The following AGBL4 variants were observed in gnomAD, a reference collection of about 807,000 sequenced individuals.
AGBL4 encodes the protein AGBL carboxypeptidase 4.
AGBL4 carries 58 observed loss-of-function variants against 66.4 expected under a neutral mutation model. The ratio of observed to expected loss-of-function variants is 0.87; its 90% CI spans 0.71 to 1.09. The LOEUF is 1.09. Ranked by LOEUF, AGBL4 falls within the 50% of genes least tolerant of loss-of-function variation. The pLI, the probability that AGBL4 is intolerant of heterozygous loss-of-function variation, is 0.00. For missense variants in AGBL4, 579 were observed against 631.0 expected (o/e 0.92, Z 0.88); for synonymous variants, 234 against 222.9 (o/e 1.05, Z -0.44).
rs886696766 is a variant in AGBL4 at position 50,014,536 on chromosome 1, CTTTTTTTTTT to C, written c.34+9217_34+9226del. Among the ~76,000 whole-genome samples, 516 of 109,018 alleles carry C rather than the reference CTTTTTTTTTT, an allele frequency of 4.7e-3. 4 individuals are homozygous for C. The highest frequency in any genetic ancestry group is 0.017 in the African/African-American group (497 of 28,886). 71.5% of individuals were successfully genotyped at this position (109,018 alleles called of 152,430 possible). A position where few individuals can be genotyped will look rare whatever the true frequency, so the allele number is the denominator to read the frequency against. ...CTCATAACTAATGAACAGAGGATTT[CTTTTTTTTTT>C]TTTTTTTTTTTTGGAGAGAGTCTTG... On this transcript the variant is annotated intron_variant, in intron 1 of 13. Coordinates refer to ENST00000371839, the MANE Select transcript of AGBL4 (RefSeq NM_032785.4).
intron 3 of AGBL4, among the ~76,000 whole-genome samples, chr1:49,521,809 G>T (rs1332357974): frequency 1.3e-5 from 2 of 151,908 alleles, no homozygotes; most frequent in Admixed American, 6.6e-5. Context: ...TTTACAAGTG[G>T]GACCTAATTA....
chr1:49,661,348 T>C (rs1262053176), intron 3 of AGBL4, among the ~76,000 whole-genome samples: 1 of 152,114 alleles, frequency 6.6e-6, no homozygotes, highest in African/African-American at 2.4e-5. Flanking sequence ...AATGTTGGAA[T>C]TGGGCTTAGT....
At chr1:49,611,944 A>G (rs1211986130) in intron 3 of AGBL4, among the ~76,000 whole-genome samples, 2 of 152,184 alleles carry the variant, frequency 1.3e-5, no homozygotes, top group South Asian at 2.1e-4. Context: ...TTACTTTCCA[A>G]TATATTTTAT....
intron 3 of AGBL4, among the ~76,000 whole-genome samples, chr1:49,270,008 A>T (rs1201550563): frequency 6.6e-6 from 1 of 152,142 alleles, no homozygotes; most frequent in African/African-American, 2.4e-5. Flanking sequence ...CTTAACAGCT[A>T]GGCTCCAACC....
At chr1:48,770,845 G>A (rs1329834915) in intron 6 of AGBL4, among the ~76,000 whole-genome samples, 2 of 151,958 alleles carry the variant, frequency 1.3e-5, no homozygotes, top group Non-Finnish European at 2.9e-5. Context: ...AATATCTCAG[G>A]TCCACCATGA....
intron 3 of AGBL4, chr1:49,527,453 C>G (rs1650758422): frequency 6.6e-6 from 1 of 152,600 alleles, no homozygotes; most frequent in Non-Finnish European, 1.5e-5. Context: ...TAATCAAAAA[C>G]ATTAAATAAG....
intron 3 of AGBL4, among the ~76,000 whole-genome samples, chr1:49,523,522 G>A (rs1380871288): frequency 6.6e-6 from 1 of 152,012 alleles, no homozygotes; most frequent in Admixed American, 6.5e-5. Flanking sequence ...CAAAAAACTG[G>A]TATTTGTTTG....
chr1:49,737,055 A>G (rs1285854640), intron 2 of AGBL4, among the ~76,000 whole-genome samples: 4 of 152,192 alleles, frequency 2.6e-5, no homozygotes, highest in African/African-American at 9.6e-5. Flanking sequence ...AAAGCTGCAG[A>G]GAAAAGGGAT....
intron 6 of AGBL4, among the ~76,000 whole-genome samples, chr1:48,709,010 T>A (rs1166117168): frequency 6.6e-6 from 1 of 152,192 alleles, no homozygotes; most frequent in African/African-American, 2.4e-5. Flanking sequence ...TGGACTCTTA[T>A]CTCCTTCTCA....
At chr1:49,681,637 A>G (rs1296641530) in intron 3 of AGBL4, among the ~76,000 whole-genome samples, 3 of 152,172 alleles carry the variant, frequency 2.0e-5, no homozygotes, top group Non-Finnish European at 4.4e-5. Flanking sequence ...AGTTGCATTT[A>G]CTAGGAAAAC....
chr1:49,560,182 G>T (rs972627956), intron 3 of AGBL4, among the ~76,000 whole-genome samples: 35 of 152,062 alleles, frequency 2.3e-4, no homozygotes, highest in African/African-American at 8.5e-4. Context: ...ACCTTTCAGA[G>T]AATTCAAAAT....
chr1:48,712,562 A>C (rs1646985286), intron 6 of AGBL4, among the ~76,000 whole-genome samples: 2 of 151,912 alleles, frequency 1.3e-5, no homozygotes, highest in African/African-American at 4.8e-5. Flanking sequence ...TGCTTTATAT[A>C]TATCAGCTCC....
intron 1 of AGBL4, among the ~76,000 whole-genome samples, chr1:49,923,554 A>G (rs1652476729): frequency 1.3e-5 from 2 of 152,198 alleles, no homozygotes; most frequent in African/African-American, 2.4e-5. Flanking sequence ...AAAATTTTGC[A>G]AACTATGCAT....
intron 3 of AGBL4, among the ~76,000 whole-genome samples, chr1:49,361,475 C>A (rs990083133): frequency 1.8e-4 from 27 of 152,224 alleles, no homozygotes; most frequent in Non-Finnish European, 7.4e-5. Context: ...CAGGTGCCCA[C>A]CATCATGCCC....
chr1:49,954,055 A>G (rs769185316), intron 1 of AGBL4, among the ~76,000 whole-genome samples: 7 of 151,822 alleles, frequency 4.6e-5, no homozygotes, highest in Non-Finnish European at 1.0e-4. Flanking sequence ...CACTCCACCC[A>G]GCTAATTTTT....
intron 2 of AGBL4, among the ~76,000 whole-genome samples, chr1:49,758,425 C>G (rs887614988): frequency 6.6e-6 from 1 of 152,136 alleles, no homozygotes; most frequent in African/African-American, 2.4e-5. Flanking sequence ...AATGGTAGAT[C>G]CACCAAGAGC....
intron 3 of AGBL4, among the ~76,000 whole-genome samples, chr1:49,382,097 T>A (rs34447538): frequency 0.049 from 7,518 of 152,176 alleles, 574 homozygotes; most frequent in African/African-American, 0.16. Context: ...TGAACATTTC[T>A]AGTATGGATA....
chr1:48,554,845 G>T (rs149684259), intron 11 of AGBL4, among the ~76,000 whole-genome samples: 23 of 152,088 alleles, frequency 1.5e-4, no homozygotes, highest in Admixed American at 1.4e-3. Flanking sequence ...TTAAACTCGG[G>T]TCTGTCCTAC....
At chr1:49,556,034 TACCC>T (rs1386598308) in intron 3 of AGBL4, among the ~76,000 whole-genome samples, 1 of 152,164 alleles carries the variant, frequency 6.6e-6, no homozygotes, top group Admixed American at 6.6e-5. Context: ...ACTGGGTATA[TACCC>T]AAAGGATTAT....
Sources: gnomAD v4.1 joint callset for allele counts (sites outside exome capture counted in the v4.1 genomes callset) on GRCh38, gnomAD v4.1.1 for gene constraint, MANE v1.5 for transcripts, NCBI Gene and HGNC (gene_info 2026-07-23, HGNC 2026-07-21) for gene names.